PPP4R4: variants seen among roughly 807,000 people sequenced by gnomAD.
The protein encoded by PPP4R4 is protein phosphatase 4 regulatory subunit 4, also known as serine/threonine-protein phosphatase 4 regulatory subunit 4.
Under a neutral mutation model 121.8 loss-of-function variants are expected in PPP4R4, and 70 were observed. The ratio of observed to expected loss-of-function variants is 0.57; its 90% CI spans 0.47 to 0.70. PPP4R4 has a LOEUF of 0.70. Ranked by LOEUF, PPP4R4 falls within the 30% of genes least tolerant of loss-of-function variation. The probability of loss-of-function intolerance (pLI) is 0.00; values close to 1 mark genes in which losing one functional copy is unlikely to be tolerated. For missense variants in PPP4R4, 875 were observed against 1,033.6 expected, an observed-to-expected ratio of 0.85 and a Z score of 2.10; for synonymous variants, 348 against 355.7, an observed-to-expected ratio of 0.98 and a Z score of 0.24.
chr14:94,266,425 A>G (rs1894056956), intron 22 of PPP4R4, among the ~76,000 whole-genome samples: 1 of 152,144 alleles, frequency 6.6e-6, no homozygotes, highest in Non-Finnish European at 1.5e-5. Flanking sequence ...ATGATTTTTT[A>G]TATGTGCTAT....
intron 14 of PPP4R4, among the ~76,000 whole-genome samples, chr14:94,249,800 G>A (rs368945545): frequency 2.4e-4 from 36 of 152,134 alleles, no homozygotes; most frequent in African/African-American, 8.4e-4. Context: ...TTTTGGTGAT[G>A]TACCTGACAC....
intron 11 of PPP4R4, among the ~76,000 whole-genome samples, chr14:94,243,310 T>G (rs943569065): frequency 9.2e-5 from 14 of 152,136 alleles, no homozygotes; most frequent in African/African-American, 3.4e-4. Context: ...AATTATATCA[T>G]CTTTGTAAAA....
chr14:94,190,799 C>CATATATTT (rs1050628840), intron 2 of PPP4R4, among the ~76,000 whole-genome samples: 40 of 151,340 alleles, frequency 2.6e-4, no homozygotes, highest in African/African-American at 9.2e-4. Flanking sequence ...TGCTATAGCT[C>CATATATTT]ATATATTTAG....
chr14:94,267,237 A>T (rs969504474), intron 23 of PPP4R4, among the ~76,000 whole-genome samples: 10 of 152,200 alleles, frequency 6.6e-5, no homozygotes, highest in African/African-American at 2.4e-4. Flanking sequence ...TCAAGAGTTT[A>T]GTACTTTTAA....
chr14:94,263,503 T>C lies in PPP4R4; in HGVS notation c.2128-1375T>C, dbSNP rs74074190. 3.0e-3 allele frequency among the ~76,000 whole-genome samples: 460 copies of C among 152,342 alleles called. 1 individual carries two copies. The highest frequency in any genetic ancestry group is 0.011 in the African/African-American group (445 of 41,578). ...TTTCTATTTCTATGCCAAGAATTTG[T>C]GTGACTAAAGTGGAAATTTTATTAT... is the stretch of plus-strand genomic sequence containing the variant. On this transcript the variant is annotated intron_variant, in intron 19 of 24. Transcript: ENST00000304338.
rs146967040 is a variant in PPP4R4, at chr14:94,274,542, A to G, written c.2450-832A>G. Among the ~76,000 whole-genome samples, 1,154 of 152,270 alleles carry G rather than the reference A, an allele frequency of 7.6e-3. 16 individuals carry two copies. The highest frequency in any genetic ancestry group is 0.026 in the African/African-American group (1,086 of 41,564). ...TGCTTAACGTCCTAATCATTAGGGA[A>G]ATGGAAATTTAAAAGCAATAAAAAA... On this transcript the variant is annotated intron_variant, in intron 23 of 24. Transcript: ENST00000304338.
At chr14:94,266,055 G>A (rs1412926446) in intron 22 of PPP4R4, among the ~76,000 whole-genome samples, 168 bp downstream of exon 22, 1 of 151,960 alleles carries the variant, frequency 6.6e-6, no homozygotes, top group Non-Finnish European at 1.5e-5. Flanking sequence ...AAAAATAAGA[G>A]ACCTCCAACA....
At chr14:94,199,358 C>G (rs746229046) in intron 2 of PPP4R4, among the ~76,000 whole-genome samples, 1 of 152,330 alleles carries the variant, frequency 6.6e-6, no homozygotes, top group Non-Finnish European at 1.5e-5. Flanking sequence ...TGCAGATGGG[C>G]AGGTTGTGGG....
At chr14:94,201,101 A>G (rs1175367347) in intron 2 of PPP4R4, among the ~76,000 whole-genome samples, 1 of 152,192 alleles carries the variant, frequency 6.6e-6, no homozygotes, top group East Asian at 1.9e-4. Context: ...ATTCAGGAAC[A>G]CATTATTAAA....
chr14:94,276,211 T>C (rs932934690), intron 24 of PPP4R4, among the ~76,000 whole-genome samples: 2 of 152,236 alleles, frequency 1.3e-5, no homozygotes, highest in Non-Finnish European at 2.9e-5. Context: ...ACCTGAACCT[T>C]CTGGTTGGAA....
intron 5 of PPP4R4, among the ~76,000 whole-genome samples, chr14:94,233,048 A>AC (rs1892135282): frequency 7.0e-6 from 1 of 142,100 alleles, no homozygotes; most frequent in Admixed American, 6.8e-5. Flanking sequence ...ACAGAGCGAG[A>AC]CTCCGTCTCA....
intron 2 of PPP4R4, among the ~76,000 whole-genome samples, chr14:94,185,039 A>G (rs2139387624): frequency 6.6e-6 from 1 of 152,344 alleles, no homozygotes; most frequent in South Asian, 2.1e-4. Flanking sequence ...AAATTTCAGT[A>G]GAATAGAGGT....
At chr14:94,221,679 C>T (rs1013761326) in intron 3 of PPP4R4, among the ~76,000 whole-genome samples, 2 of 151,896 alleles carry the variant, frequency 1.3e-5, no homozygotes, top group Non-Finnish European at 1.5e-5. Flanking sequence ...AAAAAACAAA[C>T]AAACAAAAAA....
In PPP4R4 at chr14:94,237,430, C is replaced by A. The variant is rs963988684; in HGVS notation, c.732-135C>A. ...TGTGCTTTCCCAATAAGACTGAAAG[C>A]TTCTGGAGAGCAGGAACAGTATCTT... is the stretch of plus-strand genomic sequence containing the variant. On this transcript the variant is annotated intron_variant, in intron 7 of 24. Coordinates refer to ENST00000304338, the MANE Select transcript of PPP4R4 (RefSeq NM_058237.2). The A allele has an allele frequency of 8.2e-5, 60 of 729,354 alleles. No homozygotes were observed. In the Admixed American group the frequency reaches 1.7e-3, roughly 21 times the overall value. 45.2% of individuals were successfully genotyped at this position (729,354 alleles called of 1,614,324 possible).
Position 94,265,848 on chromosome 14 carries a change from C to A in PPP4R4, c.2339C>A (p.Ala780Asp), listed in dbSNP as rs936953842. The A allele has an allele frequency of 3.1e-6, 5 of 1,608,610 alleles. No homozygotes were observed. The African/African-American group carries it at 4.0e-5, about 13-fold the overall frequency. ...LIRSQSFNNQ[A>D]FHAKYGNLEK... Reference sequence around the variant, plus strand: ...CGAAGCCAGTCTTTTAATAATCAAGCTTTTCATGCAAAATATGGCAACTTA... The same window carrying A: ...CGAAGCCAGTCTTTTAATAATCAAGATTTTCATGCAAAATATGGCAACTTA... Residue 780 changes from alanine to aspartate, a missense_variant, in exon 22 of 25, where the codon GCT becomes GAT. Physicochemically the swap from Ala to Asp is moderately radical, Grantham distance 126 (BLOSUM62 -2). Coordinates refer to ENST00000304338, the MANE Select transcript of PPP4R4 (RefSeq NM_058237.2).
At chr14:94,211,832 C>T (rs28393189) in intron 3 of PPP4R4, among the ~76,000 whole-genome samples, 17,818 of 152,070 alleles carry the variant, frequency 0.12, 1,263 homozygotes, top group African/African-American at 0.19. Flanking sequence ...AGCAGAATTT[C>T]GTAACAGATT....
At chr14:94,250,694 G>A (rs757131395) in intron 15 of PPP4R4, among the ~76,000 whole-genome samples, 2 of 151,820 alleles carry the variant, frequency 1.3e-5, no homozygotes, top group Non-Finnish European at 2.9e-5. Context: ...AATTTGATGA[G>A]CCTAGTTGGT....
At chr14:94,174,970 T>TCCCCCCCC (rs1263392173) in intron 1 of PPP4R4, among the ~76,000 whole-genome samples, 1 of 68,080 alleles carries the variant, frequency 1.5e-5, no homozygotes, top group Admixed American at 1.5e-4. Flanking sequence ...CCCCCTTCCT[T>TCCCCCCCC]CCGCCCCCCC....
At chr14:94,216,322 C>A (rs922271406) in intron 3 of PPP4R4, among the ~76,000 whole-genome samples, 9 of 152,202 alleles carry the variant, frequency 5.9e-5, no homozygotes, top group African/African-American at 9.7e-5. Flanking sequence ...GAGTAACAAA[C>A]CCCTCTTAGG....
Sources: gnomAD v4.1 joint callset for allele counts (sites outside exome capture counted in the v4.1 genomes callset) on GRCh38, gnomAD v4.1.1 for gene constraint, MANE v1.5 for transcripts, NCBI Gene and HGNC (gene_info 2026-07-23, HGNC 2026-07-21) for gene names.